SORCS3: variants seen among roughly 807,000 people sequenced by gnomAD.
SORCS3 encodes sortilin related VPS10 domain containing receptor 3.
In SORCS3, 57 loss-of-function variants were observed where a neutral mutation model predicts 146.3. The ratio of observed to expected loss-of-function variants is 0.39; its 90% CI spans 0.31 to 0.49. The LOEUF is 0.49. Ranked by LOEUF, SORCS3 falls within the 20% of genes least tolerant of loss-of-function variation. The pLI is 0.92. For synonymous variants in SORCS3, 653 were observed against 618.5 expected, an observed-to-expected ratio of 1.06 and a Z score of -0.83; for missense variants, 1,341 against 1,575.5, an observed-to-expected ratio of 0.85 and a Z score of 2.52.
chr10:104,849,411 C>CAAAA (rs10591862), intron 2 of SORCS3, among the ~76,000 whole-genome samples: 2 of 78,034 alleles, frequency 2.6e-5, no homozygotes, highest in Non-Finnish European at 4.7e-5. Context: ...GACTCCATCT[C>CAAAA]AAAAAAAAAA....
At chr10:105,227,038 T>G (rs2056737731) in intron 20 of SORCS3, among the ~76,000 whole-genome samples, 1 of 152,006 alleles carries the variant, frequency 6.6e-6, no homozygotes, top group South Asian at 2.1e-4. Flanking sequence ...ATTATTTTTT[T>G]AGTCTCTATT....
chr10:104,832,442 G>A (rs1266907853), intron 1 of SORCS3, among the ~76,000 whole-genome samples: 1 of 152,174 alleles, frequency 6.6e-6, no homozygotes, highest in African/African-American at 2.4e-5. Flanking sequence ...GTGTGACCGG[G>A]CACAGTGGCA....
At chr10:104,750,432 G>A (rs1415804858) in intron 1 of SORCS3, among the ~76,000 whole-genome samples, 2 of 152,174 alleles carry the variant, frequency 1.3e-5, no homozygotes, top group Non-Finnish European at 2.9e-5. Flanking sequence ...TATACTCAAA[G>A]TATACTGACC....
intron 2 of SORCS3, among the ~76,000 whole-genome samples, chr10:104,869,887 C>T (rs1402509069): frequency 6.6e-6 from 1 of 152,188 alleles, no homozygotes; most frequent in African/African-American, 2.4e-5. Flanking sequence ...TCTAGAGCAT[C>T]ATCATTATTA....
chr10:104,810,933 A>G (rs778691664), intron 1 of SORCS3, among the ~76,000 whole-genome samples: 3 of 152,214 alleles, frequency 2.0e-5, no homozygotes, highest in African/African-American at 4.8e-5. Flanking sequence ...TGGTTACACA[A>G]TATCATGCAT....
intron 5 of SORCS3, among the ~76,000 whole-genome samples, chr10:105,047,345 A>G (rs1589608224): frequency 6.6e-6 from 1 of 152,060 alleles, no homozygotes; most frequent in East Asian, 1.9e-4. Context: ...CTTGTATGGT[A>G]TCCTAAAACA....
At chr10:104,815,556 C>T (rs2017788160) in intron 1 of SORCS3, among the ~76,000 whole-genome samples, 1 of 151,490 alleles carries the variant, frequency 6.6e-6, no homozygotes, top group Non-Finnish European at 1.5e-5. Flanking sequence ...ACAAATTCAC[C>T]ACACTCCTAA....
intron 1 of SORCS3, among the ~76,000 whole-genome samples, chr10:104,794,631 G>T (rs1589501830): frequency 6.7e-6 from 1 of 149,852 alleles, no homozygotes; most frequent in Non-Finnish European, 1.5e-5. Context: ...GGGAGAGAGA[G>T]AGAGAGAGAG....
intron 5 of SORCS3, among the ~76,000 whole-genome samples, chr10:105,071,681 T>C (rs1218747378): frequency 6.6e-6 from 1 of 152,222 alleles, no homozygotes; most frequent in Non-Finnish European, 1.5e-5. Context: ...ACAATCCAGT[T>C]ATACTCCTTA....
intron 4 of SORCS3, among the ~76,000 whole-genome samples, chr10:105,026,332 C>G (rs11192286): frequency 0.28 from 41,921 of 152,190 alleles, 5,861 homozygotes; most frequent in Middle Eastern, 0.37. Flanking sequence ...TCCCCACTTT[C>G]TGCTCCACAG....
chr10:104,643,585 A>C (rs2015454764), intron 1 of SORCS3, among the ~76,000 whole-genome samples: 1 of 152,146 alleles, frequency 6.6e-6, no homozygotes, highest in Non-Finnish European at 1.5e-5. Context: ...GTGATTGAAG[A>C]CTTCCAAGTC....
chr10:104,711,288 A>C (rs2016413255), intron 1 of SORCS3, among the ~76,000 whole-genome samples: 1 of 152,184 alleles, frequency 6.6e-6, no homozygotes, highest in Non-Finnish European at 1.5e-5. Context: ...CTGACATCTG[A>C]TCCAGGTTTT....
intron 2 of SORCS3, among the ~76,000 whole-genome samples, chr10:104,912,654 G>T (rs1445844539): frequency 6.6e-6 from 1 of 152,138 alleles, no homozygotes; most frequent in Non-Finnish European, 1.5e-5. Context: ...TACAAATAAA[G>T]ACAAATTAAA....
intron 3 of SORCS3, among the ~76,000 whole-genome samples, chr10:104,946,414 C>G (rs1178736489): frequency 6.6e-6 from 1 of 152,118 alleles, no homozygotes. Flanking sequence ...CTCTCTTTCT[C>G]TCTGCATGCT....
chr10:105,007,058 T>A (rs146731516), intron 4 of SORCS3, among the ~76,000 whole-genome samples: 18 of 152,218 alleles, frequency 1.2e-4, no homozygotes, highest in Middle Eastern at 3.4e-3. Flanking sequence ...CAGCACAAGA[T>A]CTTCACTCTA....
At chr10:105,255,873 C>A in intron 24 of SORCS3, 72 bp downstream of exon 24, 1 of 1,220,964 alleles carries the variant, frequency 8.2e-7, no homozygotes, top group East Asian at 2.4e-5. Context: ...AGGAGAGAAT[C>A]ATGAAACCCT....
chr10:104,905,742 G>T (rs897521124), intron 2 of SORCS3, among the ~76,000 whole-genome samples: 1 of 152,184 alleles, frequency 6.6e-6, no homozygotes, highest in African/African-American at 2.4e-5. Flanking sequence ...CTCTCTGAGA[G>T]TGACAAAGAT....
At chr10:105,158,812 C>T (rs1388073471) in intron 10 of SORCS3, 80 bp from the exon 11 acceptor site, 27 of 1,072,760 alleles carry the variant, frequency 2.5e-5, no homozygotes, top group East Asian at 4.9e-5. Flanking sequence ...AGCTGAACAT[C>T]GGGAAGCCCA....
chr10:105,000,988 T>C (rs896160383), intron 4 of SORCS3, among the ~76,000 whole-genome samples: 3 of 152,228 alleles, frequency 2.0e-5, no homozygotes, highest in Non-Finnish European at 4.4e-5. Flanking sequence ...AGCAATTTAA[T>C]TCGAGGCTCA....
Sources: allele counts gnomAD v4.1 joint callset (sites outside exome capture counted in the v4.1 genomes callset), GRCh38; gene constraint gnomAD v4.1.1; transcripts MANE v1.5; gene names NCBI Gene and HGNC (gene_info 2026-07-23, HGNC 2026-07-21).